ADD3: variants seen among roughly 807,000 people sequenced by gnomAD.
ADD3 encodes the protein gamma-adducin.
Under a neutral mutation model 80.2 loss-of-function variants are expected in ADD3, and 25 were observed. The ratio of observed to expected loss-of-function variants is 0.31; its 90% CI spans 0.23 to 0.44. The LOEUF is 0.44. ADD3 is among the 20% of genes least tolerant of loss of function. The pLI is 1.00. For synonymous variants in ADD3, 284 were observed against 289.6 expected, an observed-to-expected ratio of 0.98 and a Z score of 0.20; for missense variants, 829 against 847.5, an observed-to-expected ratio of 0.98 and a Z score of 0.27.
intron 3 of ADD3, among the ~76,000 whole-genome samples, chr10:110,113,597 T>C (rs1850328005): frequency 6.6e-6 from 1 of 152,154 alleles, no homozygotes; most frequent in South Asian, 2.1e-4. Flanking sequence ...AAATAATAAA[T>C]CTGATTTTAA....
At chr10:110,050,267 A>G (rs1857357799) in intron 1 of ADD3, among the ~76,000 whole-genome samples, 1 of 152,148 alleles carries the variant, frequency 6.6e-6, no homozygotes, top group South Asian at 2.1e-4. Flanking sequence ...TGTAGCTCCC[A>G]TAATTCCCAT....
At chr10:110,083,279 G>A (rs1257076685) in intron 1 of ADD3, among the ~76,000 whole-genome samples, 1 of 152,176 alleles carries the variant, frequency 6.6e-6, no homozygotes, top group African/African-American at 2.4e-5. Flanking sequence ...GGATGGAGAT[G>A]AGAGGGGAAA....
chr10:110,107,483 C>CA (rs933377474), intron 2 of ADD3, among the ~76,000 whole-genome samples: 7 of 151,526 alleles, frequency 4.6e-5, no homozygotes, highest in Non-Finnish European at 7.4e-5. Context: ...GCAGATAAAG[C>CA]AAAAAAAATT....
chr10:110,042,673 T>C (rs1284815005), intron 1 of ADD3, among the ~76,000 whole-genome samples: 1 of 144,184 alleles, frequency 6.9e-6, no homozygotes, highest in African/African-American at 2.5e-5. Flanking sequence ...GATAACTGAG[T>C]TTTGTCTGGT....
chr10:110,078,444 C>T (rs1162249648), intron 1 of ADD3, among the ~76,000 whole-genome samples: 1 of 152,154 alleles, frequency 6.6e-6, no homozygotes, highest in Admixed American at 6.5e-5. Flanking sequence ...TAAAGCTTTA[C>T]TTTAAGAAGT....
chr10:110,117,216 T>G, intron 4 of ADD3, 126 bp from the exon 5 acceptor site: 1 of 561,810 alleles, frequency 1.8e-6, no homozygotes, highest in Non-Finnish European at 3.1e-6. Context: ...GACCTTTAAT[T>G]TTTGCTTTGT....
At chr10:110,077,220 C>T (rs1845470481) in intron 1 of ADD3, 1 of 151,960 alleles carries the variant, frequency 6.6e-6, no homozygotes, top group African/African-American at 2.4e-5. Context: ...TAGTAACATG[C>T]AATATTCTTC....
intron 1 of ADD3, among the ~76,000 whole-genome samples, chr10:110,049,180 G>A (rs544644301): frequency 1.0e-3 from 156 of 152,330 alleles, no homozygotes; most frequent in Non-Finnish European, 2.0e-3. Flanking sequence ...GTCAAGAATT[G>A]AGGTTTGGGA....
intron 1 of ADD3, among the ~76,000 whole-genome samples, chr10:110,099,165 G>C (rs542324298): frequency 6.7e-6 from 1 of 148,342 alleles, no homozygotes; most frequent in Non-Finnish European, 1.5e-5. Context: ...CTGGGCTCAA[G>C]TGATCCTCCC....
intron 1 of ADD3, chr10:109,997,615 T>G (rs1326106811): frequency 1.3e-5 from 2 of 152,258 alleles, no homozygotes; most frequent in African/African-American, 4.8e-5. Flanking sequence ...TAGGATTCTT[T>G]CGCTGCTTTT....
At chr10:110,073,334 G>C (rs903130506) in intron 1 of ADD3, among the ~76,000 whole-genome samples, 7 of 151,662 alleles carry the variant, frequency 4.6e-5, no homozygotes, top group African/African-American at 1.7e-4. Flanking sequence ...AATAGAGACG[G>C]GATTTCACCG....
chr10:110,109,736 A>G (rs969116169), intron 2 of ADD3, among the ~76,000 whole-genome samples: 1 of 152,354 alleles, frequency 6.6e-6, no homozygotes, highest in Middle Eastern at 3.4e-3. Flanking sequence ...TCTGTACTTT[A>G]CATAAAGATA....
intron 2 of ADD3, among the ~76,000 whole-genome samples, chr10:110,104,296 T>G (rs1849175544): frequency 6.6e-6 from 1 of 152,218 alleles, no homozygotes; most frequent in Non-Finnish European, 1.5e-5. Context: ...GGACTGAACC[T>G]CCCTGGTGCT....
intron 1 of ADD3, among the ~76,000 whole-genome samples, chr10:110,064,292 T>A (rs1843636326): frequency 6.6e-6 from 1 of 152,202 alleles, no homozygotes; most frequent in Non-Finnish European, 1.5e-5. Context: ...AGGGCATGTG[T>A]GTCTCCAACT....
At chr10:110,106,237 CCT>C (rs1309919614) in intron 2 of ADD3, among the ~76,000 whole-genome samples, 3 of 151,236 alleles carry the variant, frequency 2.0e-5, no homozygotes, top group Non-Finnish European at 4.4e-5. Flanking sequence ...TCTGATGTCT[CCT>C]ATATTTATCA....
chr10:110,001,905 T>C (rs74154937), upstream of ADD3, among the ~76,000 whole-genome samples: 1,697 of 152,350 alleles, frequency 0.011, 34 homozygotes, highest in African/African-American at 0.04. Flanking sequence ...CATATGACTA[T>C]GTGATGAAAA....
intron 1 of ADD3, among the ~76,000 whole-genome samples, chr10:110,056,439 C>T (rs1858203433): frequency 6.6e-6 from 1 of 152,150 alleles, no homozygotes; most frequent in Non-Finnish European, 1.5e-5. Context: ...TAGTATCAAC[C>T]CCATTTTATA....
intron 2 of ADD3, 55 bp from the exon 3 acceptor site, chr10:110,112,722 T>C (rs1446067973): frequency 6.4e-7 from 1 of 1,561,878 alleles, no homozygotes; most frequent in East Asian, 2.3e-5. Flanking sequence ...TCGGAACAAG[T>C]TACTTTTGGG....
intron 2 of ADD3, among the ~76,000 whole-genome samples, chr10:110,104,479 A>C (rs1007328853): frequency 7.2e-5 from 11 of 152,204 alleles, no homozygotes; most frequent in Non-Finnish European, 2.9e-5. Context: ...CTTTCAGCCC[A>C]AGCTTACAGT....
Sources: allele counts gnomAD v4.1 joint callset (sites outside exome capture counted in the v4.1 genomes callset), GRCh38; gene constraint gnomAD v4.1.1; transcripts MANE v1.5; gene names NCBI Gene and HGNC (gene_info 2026-07-23, HGNC 2026-07-21).